The following ZBED1 variants were observed in gnomAD, a reference collection of about 807,000 sequenced individuals.
ZBED1 encodes the protein E3 SUMO-protein ligase ZBED1.
Under a neutral mutation model 49.7 loss-of-function variants are expected in ZBED1, and 19 were observed. That is an observed-to-expected ratio of 0.38 (90% CI 0.27 to 0.56). The LOEUF (loss-of-function observed/expected upper bound fraction) is 0.56, where lower values mean the gene tolerates loss of function less well. Among genes scored for constraint, ZBED1 ranks in the 20% least tolerant of loss-of-function variants. ZBED1 has a pLI of 0.70. For synonymous variants in ZBED1, 439 were observed against 440.3 expected (o/e 1.00, Z 0.04); for missense variants, 806 against 972.6 (o/e 0.83, Z 2.28).
In ZBED1 at chrX:2,486,760, C is replaced by G. The variant is rs2044944852; in HGVS notation, c.*1875G>C. On this transcript the variant is annotated 3_prime_UTR_variant, in exon 2 of 2. Transcript: ENST00000652001. ...CACCCGGAGCTGAGGGTTCCAAGTTCACGGCGGAACCGCTTCCCTTAAAAA... is the reference window on the plus strand; with the variant it reads ...CACCCGGAGCTGAGGGTTCCAAGTTGACGGCGGAACCGCTTCCCTTAAAAA... The G allele has an allele frequency of 6.6e-6, 1 of 152,274 alleles. No homozygotes were observed. The highest frequency in any genetic ancestry group is 1.5e-5 in the Non-Finnish European group (1 of 68,066). 9.4% of individuals were successfully genotyped at this position (152,274 alleles called of 1,614,324 possible). A position where few individuals can be genotyped will look rare whatever the true frequency, so the allele number is the denominator to read the frequency against.
At chrX:2,490,821 A>G in intron 1 of ZBED1, 49 bp from the exon 2 acceptor site, 1 of 1,491,158 alleles carries the variant, frequency 6.7e-7, no homozygotes, top group Admixed American at 2.1e-5. Context: ...CCAGGCACGC[A>G]CGGGAGCCCT....
rs1352109143 is a variant in ZBED1 at position 2,488,914 on chromosome X, G to A, written c.1806C>T (p.Pro602=). The A allele has an allele frequency of 1.2e-6, 2 of 1,603,734 alleles. No individual in the cohort carries two copies. Among genetic ancestry groups the A allele is most frequent in the East Asian group, 2.2e-5 (1 of 44,820 alleles). The change falls in exon 2 of 2, where the codon CCC becomes CCT. Residue 602 remains proline (P), a synonymous_variant. Coordinates refer to ENST00000652001, the MANE Select transcript of ZBED1 (RefSeq NM_001171136.2). ...SDRLALFPLL[P]KVLQKYWCVT... is the part of the protein sequence containing the mutation. Reference sequence around the variant, plus strand: ...CGCACCAGTACTTCTGCAGCACCTTGGGCAGCAGGGGGAAGAGGGCCAGGC... The same window carrying A: ...CGCACCAGTACTTCTGCAGCACCTTAGGCAGCAGGGGGAAGAGGGCCAGGC...
Position 2,489,161 on chromosome X carries a change from ATC to A in ZBED1, c.1557_1558del (p.Lys519AsnfsTer100), listed in dbSNP as rs748047208. 6 of 1,613,574 alleles carry A rather than the reference ATC, an allele frequency of 3.7e-6. No individual in the cohort carries two copies. Among genetic ancestry groups the A allele is most frequent in the Non-Finnish European group, 1.7e-6 (2 of 1,179,838 alleles). On this transcript the variant is annotated frameshift_variant, in exon 2 of 2. Transcript: ENST00000652001. LOFTEE classifies it high-confidence loss of function. ...GGGAGGCTCCTCGGGCACCGGGAAG[ATC>A]TTGTCCTCAGCCGGCCGGTAGCCGC...
intron 1 of ZBED1, among the ~76,000 whole-genome samples, chrX:2,497,214 G>A (rs1330332272): frequency 6.6e-6 from 1 of 152,086 alleles, no homozygotes; most frequent in Non-Finnish European, 1.5e-5. Flanking sequence ...GACCAACATG[G>A]AGAAACCCCA....
In ZBED1 at chrX:2,488,737, G is replaced by A. The variant is rs751648469; in HGVS notation, c.1983C>T (p.Asp661=). 6.2e-7 allele frequency: 1 copy of A among 1,613,922 alleles called. No individual in the cohort carries two copies. The highest frequency in any genetic ancestry group is 8.5e-7 in the Non-Finnish European group (1 of 1,179,872). ...CCAGGCCCCACTCCCCCTCGTCCTG[G>A]TCCTCGGGTTCCGCCTCTGCCCCAC... ...ARSGAEAEPE[D]QDEGEWGLDQ... The change falls in exon 2 of 2, where the codon GAC becomes GAT. Residue 661 remains aspartate, a synonymous_variant. Coordinates refer to ENST00000652001, the MANE Select transcript of ZBED1 (RefSeq NM_001171136.2).
chrX:2,488,189 T>TTTTTTC lies in ZBED1; in HGVS notation c.*440_*445dup, dbSNP rs1208221264. On this transcript the variant is annotated 3_prime_UTR_variant, in exon 2 of 2. Transcript: ENST00000652001. ...TCAAAGCCACCTCTCTTGTGTCTTC[T>TTTTTTC]TTTTTCTTTTTGAGAGAGTCTCGCT... 6.3e-6 allele frequency: 1 copy of TTTTTTC among 159,792 alleles called. No individual in the cohort carries two copies. Among genetic ancestry groups the TTTTTTC allele is most frequent in the Non-Finnish European group, 1.4e-5 (1 of 73,648 alleles). 9.9% of individuals were successfully genotyped at this position (159,792 alleles called of 1,614,324 possible). A position where few individuals can be genotyped will look rare whatever the true frequency, so the allele number is the denominator to read the frequency against.
intron 1 of ZBED1, among the ~76,000 whole-genome samples, chrX:2,499,257 G>T (rs1194275479): frequency 6.6e-6 from 1 of 152,126 alleles, no homozygotes; most frequent in African/African-American, 2.4e-5. Flanking sequence ...GACATGCCAT[G>T]AAACTGTCTA....
In ZBED1 at chrX:2,488,446, A is replaced by C; in HGVS notation, c.*189T>G. ...CACCTCGGCCTCCCAAAGTGCTGCGATTATAGACAGGAGCCACCGCCCCCG... is the reference window on the plus strand; with the variant it reads ...CACCTCGGCCTCCCAAAGTGCTGCGCTTATAGACAGGAGCCACCGCCCCCG... On this transcript the variant is annotated 3_prime_UTR_variant, in exon 2 of 2. Coordinates refer to ENST00000652001, the MANE Select transcript of ZBED1 (RefSeq NM_001171136.2). 4.1e-6 allele frequency: 3 copies of C among 737,292 alleles called. No individual in the cohort carries two copies. Among genetic ancestry groups the C allele is most frequent in the Non-Finnish European group, 6.3e-6 (3 of 478,218 alleles). 45.7% of individuals were successfully genotyped at this position (737,292 alleles called of 1,614,324 possible).
In ZBED1 at chrX:2,489,924, C is replaced by T. The variant is rs767015358; in HGVS notation, c.796G>A (p.Gly266Arg). Residue 266 changes from glycine to arginine, a missense_variant, in exon 2 of 2, where the codon GGG (glycine) becomes AGG (arginine). Gly to Arg is a moderately radical substitution (Grantham distance 125, BLOSUM62 -2). Transcript: ENST00000652001. ...TCCTTGCCATAGTTGGTGGTGGCCC[C>T]GAAGACCTTGGCGCTGATGCCCCAC... ...IEWGISAKVF[G>R]ATTNYGKDIV... is the part of the protein sequence containing the mutation. The T allele has an allele frequency of 3.7e-6, 6 of 1,613,844 alleles. No homozygotes were observed. In the South Asian group the frequency reaches 5.5e-5, roughly 15 times the overall value.
intron 1 of ZBED1, among the ~76,000 whole-genome samples, chrX:2,498,625 G>GAAAA (rs10624636): frequency 4.5e-4 from 58 of 128,748 alleles, no homozygotes; most frequent in African/African-American, 1.6e-3. Context: ...CAGTAAATGG[G>GAAAA]AAAAAAAAAA....
intron 1 of ZBED1, among the ~76,000 whole-genome samples, chrX:2,495,647 A>ACCCTCCTTCCTCCT (rs1357329413): frequency 2.0e-5 from 3 of 150,662 alleles, no homozygotes; most frequent in Admixed American, 6.8e-5. Flanking sequence ...TGCAGTGAGT[A>ACCCTCCTTCCTCCT]CCCTCCTTCC....
chrX:2,496,182 TTTTG>T (rs2045280042), intron 1 of ZBED1, among the ~76,000 whole-genome samples: 1 of 151,708 alleles, frequency 6.6e-6, no homozygotes, highest in South Asian at 2.1e-4. Context: ...AGGTTTTTAT[TTTTG>T]TTTTTGTTTT....
chrX:2,500,772 C>T, intron 1 of ZBED1, 45 bp downstream of exon 1: 1 of 999,774 alleles, frequency 1.0e-6, no homozygotes, highest in Non-Finnish European at 1.2e-6. Context: ...CAGCCCGCGC[C>T]CACCCGGGTC....
At chrX:2,499,130 CT>C (rs945387637) in intron 1 of ZBED1, among the ~76,000 whole-genome samples, 22 of 152,092 alleles carry the variant, frequency 1.4e-4, no homozygotes, top group African/African-American at 5.3e-4. Flanking sequence ...CCTGGGATTC[CT>C]TCAGTGGGTG....
intron 1 of ZBED1, among the ~76,000 whole-genome samples, chrX:2,499,477 T>C (rs1020845993): frequency 5.9e-5 from 9 of 152,332 alleles, no homozygotes; most frequent in Admixed American, 5.9e-4. Flanking sequence ...TAGGTTTAAA[T>C]TGAGAATATG....
In ZBED1 at chrX:2,489,863, A is replaced by C. The variant is rs2045078474; in HGVS notation, c.857T>G (p.Val286Gly). The C allele has an allele frequency of 6.2e-7, 1 of 1,613,646 alleles. No homozygotes were observed. Among genetic ancestry groups the C allele is most frequent in the Non-Finnish European group, 8.5e-7 (1 of 1,179,874 alleles). ...VKACSLLDVAVHMPCLGHTFN... is the reference protein window; with the variant it reads ...VKACSLLDVAGHMPCLGHTFN... ...GGTGTGGCCCAGGCAGGGCATGTGC[A>C]CTGCGACGTCCAGCAGGGAGCACGC... is the stretch of plus-strand genomic sequence containing the variant. The change falls in exon 2 of 2, where the codon GTG (valine) becomes GGG (glycine). Residue 286 changes from valine to glycine, a missense_variant. Coordinates refer to ENST00000652001, the MANE Select transcript of ZBED1 (RefSeq NM_001171136.2).
chrX:2,490,855 G>A (rs747288884), intron 1 of ZBED1, 83 bp from the exon 2 acceptor site: 128 of 1,284,082 alleles, frequency 1.0e-4, no homozygotes, highest in South Asian at 6.5e-4. Flanking sequence ...ACAGGGTGCC[G>A]GGGCAGCTCC....
chrX:2,495,267 T>C (rs2045252787), intron 1 of ZBED1, among the ~76,000 whole-genome samples: 2 of 151,596 alleles, frequency 1.3e-5, no homozygotes, highest in African/African-American at 4.8e-5. Context: ...AAGGTTTATA[T>C]TTTATCATTA....
At chrX:2,491,272 G>C (rs1436223745) in intron 1 of ZBED1, among the ~76,000 whole-genome samples, 1 of 152,106 alleles carries the variant, frequency 6.6e-6, no homozygotes, top group Non-Finnish European at 1.5e-5. Context: ...GTTTCACCAT[G>C]TTGGTCAGGC....
Sources: allele counts gnomAD v4.1 joint callset (sites outside exome capture counted in the v4.1 genomes callset), GRCh38; gene constraint gnomAD v4.1.1; transcripts MANE v1.5; gene names NCBI Gene and HGNC (gene_info 2026-07-23, HGNC 2026-07-21).